SORCS3: variants seen among roughly 807,000 people sequenced by gnomAD.
The protein encoded by SORCS3 is sortilin related VPS10 domain containing receptor 3, also known as VPS10 domain-containing receptor SorCS3.
Under a neutral mutation model 146.3 loss-of-function variants are expected in SORCS3, and 57 were observed. The ratio of observed to expected loss-of-function variants is 0.39; its 90% confidence interval spans 0.31 to 0.49. SORCS3 has a LOEUF of 0.49. Among genes scored for constraint, SORCS3 ranks in the 20% least tolerant of loss-of-function variants. The probability of loss-of-function intolerance (pLI) is 0.92; values close to 1 mark genes in which losing one functional copy is unlikely to be tolerated. For synonymous variants in SORCS3, 653 were observed against 618.5 expected (o/e 1.06, Z -0.83); for missense variants, 1,341 against 1,575.5 (o/e 0.85, Z 2.52).
rs191217632 is a variant in SORCS3, at chr10:105,021,684, A to G, written c.955-21371A>G. Reference sequence around the variant, plus strand: ...ATACATACCGCATAATATAACATCCATCTCTGTGGTTTTGCCCTTACAAGT... The same window carrying G: ...ATACATACCGCATAATATAACATCCGTCTCTGTGGTTTTGCCCTTACAAGT... On this transcript the variant is annotated intron_variant, in intron 4 of 26. Coordinates refer to ENST00000369701, the MANE Select transcript of SORCS3 (RefSeq NM_014978.3). 2.7e-3 allele frequency among the ~76,000 whole-genome samples: 418 copies of G among 152,246 alleles called. 2 individuals are homozygous for G. Among genetic ancestry groups the G allele is most frequent in the Non-Finnish European group, 4.9e-3 (335 of 68,018 alleles).
chr10:105,243,342 G>T (rs2056847885), intron 20 of SORCS3, among the ~76,000 whole-genome samples: 1 of 152,146 alleles, frequency 6.6e-6, no homozygotes, highest in East Asian at 1.9e-4. Flanking sequence ...TAAGGATATT[G>T]ATTCAAACAG....
At chr10:105,245,899 G>T (rs1426020435) in intron 21 of SORCS3, among the ~76,000 whole-genome samples, 1 of 152,120 alleles carries the variant, frequency 6.6e-6, no homozygotes, top group African/African-American at 2.4e-5. Context: ...AACTTGTTTG[G>T]GGTTCTTATT....
intron 2 of SORCS3, among the ~76,000 whole-genome samples, chr10:104,850,650 C>G (rs2018265219): frequency 6.6e-6 from 1 of 152,156 alleles, no homozygotes; most frequent in African/African-American, 2.4e-5. Context: ...CTGAACTCAC[C>G]CGAGGAAGCT....
At position 104,965,460 on chromosome 10, in the gene SORCS3, A is replaced by G. The variant is rs372324265; in HGVS notation, c.796-11875A>G. Among the ~76,000 whole-genome samples, 6 of 152,316 alleles carry G rather than the reference A, an allele frequency of 3.9e-5. No individual in the cohort carries two copies. The East Asian group carries it at 5.8e-4, about 15-fold the overall frequency. ...AGACGTGGAATAGCTGGATCATATG[A>G]TAATTCTATTTTTAATTATTTGTTG... On this transcript the variant is annotated intron_variant, in intron 3 of 26. Transcript: ENST00000369701.
rs566659674 is a variant in SORCS3 at position 104,951,798 on chromosome 10, C to T, written c.796-25537C>T. ...AGTCTTTTATAGAGAAGTCACATCC[C>T]AGGATATTCTTATAATTCAGCCATT... On this transcript the variant is annotated intron_variant, in intron 3 of 26. Transcript: ENST00000369701. 4.6e-5 allele frequency among the ~76,000 whole-genome samples: 7 copies of T among 152,216 alleles called. No individual in the cohort carries two copies. The East Asian group carries it at 1.4e-3, about 29-fold the overall frequency.
intron 5 of SORCS3, among the ~76,000 whole-genome samples, chr10:105,072,175 A>G (rs539654255): frequency 1.3e-5 from 2 of 152,204 alleles, no homozygotes; most frequent in Admixed American, 1.3e-4. Flanking sequence ...GGAGGTGGTG[A>G]GCTCTCGGAC....
At chr10:104,835,320 A>G (rs559141569) in intron 1 of SORCS3, among the ~76,000 whole-genome samples, 1 of 152,270 alleles carries the variant, frequency 6.6e-6, no homozygotes, top group African/African-American at 2.4e-5. Context: ...ACCATTGTCT[A>G]CCACTCCTGG....
intron 2 of SORCS3, among the ~76,000 whole-genome samples, chr10:104,875,215 T>C (rs560498583): frequency 9.2e-5 from 14 of 152,330 alleles, no homozygotes; most frequent in African/African-American, 3.4e-4. Context: ...AGAGTGTTGT[T>C]TGACCAATCA....
intron 1 of SORCS3, among the ~76,000 whole-genome samples, chr10:104,722,962 TTG>T (rs1242594669): frequency 6.6e-6 from 1 of 152,218 alleles, no homozygotes; most frequent in Non-Finnish European, 1.5e-5. Flanking sequence ...GAAGGGTTTT[TTG>T]TGTCTCTATT....
chr10:105,205,116 T>C (rs571631605), intron 16 of SORCS3, among the ~76,000 whole-genome samples: 1 of 152,194 alleles, frequency 6.6e-6, no homozygotes, highest in South Asian at 2.1e-4. Flanking sequence ...ATTTGATTGA[T>C]CTAGGAAAAG....
intron 9 of SORCS3, among the ~76,000 whole-genome samples, chr10:105,149,093 T>G (rs962630059): frequency 4.6e-5 from 7 of 152,156 alleles, no homozygotes; most frequent in Non-Finnish European, 1.0e-4. Context: ...GATTGTAAGT[T>G]TCCTGAGACT....
At chr10:105,024,948 A>G (rs2055217224) in intron 4 of SORCS3, among the ~76,000 whole-genome samples, 3 of 151,934 alleles carry the variant, frequency 2.0e-5, no homozygotes. Context: ...TACTTTCTTT[A>G]TTTCCCTCTT....
chr10:105,223,148 T>C lies in SORCS3; in HGVS notation c.2767T>C (p.Phe923Leu). 1.2e-6 allele frequency: 2 copies of C among 1,612,016 alleles called. No homozygotes were observed. Among genetic ancestry groups the C allele is most frequent in the Non-Finnish European group, 1.7e-6 (2 of 1,178,402 alleles). ...PVEHVHLRVP[F>L]VAIRNKEVNI... ...GGAGCATGTTCATCTCCGAGTTCCA[T>C]TTGTTGCCATAAGAAATAAGGAGGT... The change falls in exon 20 of 27, where the codon TTT becomes CTT. Residue 923 changes from phenylalanine to leucine, a missense_variant. By Grantham distance (22) the Phe-to-Leu change is conservative. Coordinates refer to ENST00000369701, the MANE Select transcript of SORCS3 (RefSeq NM_014978.3).
At chr10:105,138,577 C>A (rs1024682479) in intron 7 of SORCS3, among the ~76,000 whole-genome samples, 12 of 152,212 alleles carry the variant, frequency 7.9e-5, no homozygotes, top group African/African-American at 2.9e-4. Context: ...ATATTAATTT[C>A]CCCTGAGTTA....
intron 1 of SORCS3, among the ~76,000 whole-genome samples, chr10:104,673,403 G>C (rs2015878787): frequency 6.6e-6 from 1 of 150,788 alleles, no homozygotes; most frequent in Non-Finnish European, 1.5e-5. Flanking sequence ...AAAAATGTAA[G>C]TTTATTTCTT....
chr10:104,975,130 G>A (rs1238455317), intron 3 of SORCS3, among the ~76,000 whole-genome samples: 2 of 152,100 alleles, frequency 1.3e-5, no homozygotes, highest in African/African-American at 4.8e-5. Context: ...GTCCTTGTTT[G>A]CAGATGACAT....
intron 4 of SORCS3, among the ~76,000 whole-genome samples, chr10:105,039,415 C>T (rs1175022949): frequency 1.3e-5 from 2 of 150,618 alleles, no homozygotes; most frequent in Non-Finnish European, 3.0e-5. Context: ...GTGAAACAGG[C>T]CTGAGTGAGG....
intron 14 of SORCS3, among the ~76,000 whole-genome samples, chr10:105,184,801 T>C (rs2056464991): frequency 1.3e-5 from 2 of 152,352 alleles, no homozygotes; most frequent in Non-Finnish European, 2.9e-5. Flanking sequence ...TGTTCTTTTG[T>C]GAGTTTTTTT....
intron 5 of SORCS3, among the ~76,000 whole-genome samples, chr10:105,060,441 TA>T (rs2055477967): frequency 6.6e-6 from 1 of 152,136 alleles, no homozygotes; most frequent in Admixed American, 6.5e-5. Flanking sequence ...AGTGCACCTT[TA>T]AAGGGTTCCA....
Sources: allele counts gnomAD v4.1 joint callset (sites outside exome capture counted in the v4.1 genomes callset), GRCh38; gene constraint gnomAD v4.1.1; transcripts MANE v1.5; gene names NCBI Gene and HGNC (gene_info 2026-07-23, HGNC 2026-07-21).